ABCB7: variants seen among roughly 807,000 people sequenced by gnomAD.
ABCB7 encodes iron-sulfur clusters transporter ABCB7, mitochondrial.
Under a neutral mutation model 54.4 loss-of-function variants are expected in ABCB7, and 7 were observed. That is an observed-to-expected ratio of 0.13 (90% confidence interval 0.07 to 0.24). The LOEUF (loss-of-function observed/expected upper bound fraction) is 0.24. Among genes scored for constraint, ABCB7 ranks in the 10% least tolerant of loss-of-function variants. The probability of loss-of-function intolerance (pLI) is 1.00; values close to 1 mark genes in which losing one functional copy is unlikely to be tolerated. For synonymous variants in ABCB7, 218 were observed against 207.1 expected (o/e 1.05, Z -0.45); for missense variants, 356 against 570.4 (o/e 0.62, Z 3.83).
At chrX:75,094,629 C>T (rs1449614204) in intron 4 of ABCB7, among the ~76,000 whole-genome samples, 2 of 111,163 alleles carry the variant, frequency 1.8e-5, no homozygotes, top group Non-Finnish European at 3.8e-5. Context: ...AGGAGAATTG[C>T]TTGAACCCGG....
chrX:75,113,018 T>G, intron 2 of ABCB7, 46 bp from the exon 3 acceptor site: 8 of 1,071,682 alleles, frequency 7.5e-6, no homozygotes, highest in Non-Finnish European at 1.0e-5. Flanking sequence ...TTACAGAATT[T>G]CAGATGTTTC....
intron 1 of ABCB7, among the ~76,000 whole-genome samples, chrX:75,123,546 TTGCTGTGAAAAA>T (rs1159035525): frequency 8.9e-6 from 1 of 112,082 alleles, no homozygotes; most frequent in East Asian, 2.8e-4. Flanking sequence ...CTTTTTTCTA[TTGCTGTGAAAAA>T]TGCTGTTGAA....
chrX:75,091,887 T>C (rs1298166456), intron 4 of ABCB7, among the ~76,000 whole-genome samples: 2 of 111,400 alleles, frequency 1.8e-5, no homozygotes, highest in East Asian at 5.6e-4. Context: ...AAAAAGCATA[T>C]GAGGAAAACT....
intron 4 of ABCB7, among the ~76,000 whole-genome samples, chrX:75,085,907 C>T (rs1169589416): frequency 9.1e-6 from 1 of 109,503 alleles, no homozygotes; most frequent in African/African-American, 3.3e-5. Context: ...AGTGCAGTGG[C>T]ATGATCTCGG....
At chrX:75,135,767 C>G (rs928697419) in intron 1 of ABCB7, among the ~76,000 whole-genome samples, 4 of 111,522 alleles carry the variant, frequency 3.6e-5, no homozygotes, top group Non-Finnish European at 7.5e-5. Flanking sequence ...AGAATTTTGA[C>G]AGAGTTCAAC....
chrX:75,070,946 AAAC>A (rs200157743), intron 9 of ABCB7, among the ~76,000 whole-genome samples: 8 of 109,904 alleles, frequency 7.3e-5, no homozygotes, highest in African/African-American at 1.3e-4. Context: ...AAACAAAATG[AAAC>A]AACAACAACA....
intron 13 of ABCB7, among the ~76,000 whole-genome samples, chrX:75,063,189 AT>A (rs1302570992): frequency 9.0e-6 from 1 of 111,275 alleles, no homozygotes; most frequent in Non-Finnish European, 1.9e-5. Flanking sequence ...TTTAGAAAGT[AT>A]TTCTTAAATA....
intron 12 of ABCB7, among the ~76,000 whole-genome samples, chrX:75,067,455 C>G (rs1336732037): frequency 9.0e-6 from 1 of 111,341 alleles, no homozygotes; most frequent in Non-Finnish European, 1.9e-5. Context: ...ACTTGACACA[C>G]AGTTTAGATT....
At chrX:75,114,900 T>G in intron 1 of ABCB7, 69 bp from the exon 2 acceptor site, 1 of 889,529 alleles carries the variant, frequency 1.1e-6, no homozygotes, top group South Asian at 2.1e-5. Context: ...ATTATTTCCT[T>G]TGTTCATAAA....
At chrX:75,147,480 T>C (rs1183273565) in intron 1 of ABCB7, among the ~76,000 whole-genome samples, 1 of 111,768 alleles carries the variant, frequency 8.9e-6, no homozygotes, top group African/African-American at 3.3e-5. Context: ...CATGGAATAC[T>C]ATGCAGCCAT....
At chrX:75,088,456 A>G (rs1224045870) in intron 4 of ABCB7, among the ~76,000 whole-genome samples, 1 of 112,005 alleles carries the variant, frequency 8.9e-6, no homozygotes, top group Non-Finnish European at 1.9e-5. Context: ...ACAGAGAGGA[A>G]TCTCTAAGAA....
rs189716876 is a variant in ABCB7 at position 75,091,920 on chromosome X, C to A, written c.453+7022G>T. Among the ~76,000 whole-genome samples the A allele has an allele frequency of 1.8e-3, 199 of 111,199 alleles. 3 individuals are homozygous for A. Among genetic ancestry groups the A allele is most frequent in the Non-Finnish European group, 9.5e-4 (50 of 52,654 alleles). ...ACTACAAAACTCATATGAAAGAAAT[C>A]AAAGAAGCTAAATAAATGGAGAGAT... is the stretch of plus-strand genomic sequence containing the variant. On this transcript the variant is annotated intron_variant, in intron 4 of 15. Coordinates refer to ENST00000373394, the MANE Select transcript of ABCB7 (RefSeq NM_001271696.3).
At chrX:75,076,897 C>T (rs1173918755) in intron 4 of ABCB7, among the ~76,000 whole-genome samples, 1 of 111,315 alleles carries the variant, frequency 9.0e-6, no homozygotes, top group African/African-American at 3.3e-5. Flanking sequence ...TAGTCAAATG[C>T]TTCTGCTTCC....
intron 13 of ABCB7, 160 bp from the exon 14 acceptor site, chrX:75,062,591 A>T: frequency 6.4e-6 from 3 of 467,161 alleles, no homozygotes; most frequent in Non-Finnish European, 1.1e-5. Context: ...GTTCATATAC[A>T]ATATCTTTTG....
intron 1 of ABCB7, among the ~76,000 whole-genome samples, chrX:75,153,421 TAGG>T (rs780775518): frequency 4.3e-4 from 48 of 111,002 alleles, no homozygotes; most frequent in South Asian, 2.3e-3. Flanking sequence ...AAATATAGAA[TAGG>T]AGGATTATTT....
At chrX:75,122,861 G>GGTGTGTGTGTGTGTGTGTGTGTGTGTGT in intron 1 of ABCB7, among the ~76,000 whole-genome samples, 1 of 93,152 alleles carries the variant, frequency 1.1e-5, no homozygotes, top group East Asian at 4.2e-4. Flanking sequence ...TTAAAATTGG[G>GGTGTGTGTGTGTGTGTGTGTGTGTGTGT]GTGTGTGTGT....
intron 4 of ABCB7, chrX:75,097,309 T>C (rs905695432): frequency 1.8e-5 from 2 of 111,748 alleles, no homozygotes; most frequent in Non-Finnish European, 3.8e-5. Flanking sequence ...CCTACACCTG[T>C]AATAATCCTA....
chrX:75,122,997 T>C (rs1310603385), intron 1 of ABCB7, among the ~76,000 whole-genome samples: 2 of 110,917 alleles, frequency 1.8e-5, no homozygotes, highest in Non-Finnish European at 3.8e-5. Context: ...ATAGTTTTGA[T>C]GACTGTTTCC....
intron 1 of ABCB7, among the ~76,000 whole-genome samples, chrX:75,128,258 C>A (rs894041923): frequency 9.0e-6 from 1 of 111,138 alleles, no homozygotes; most frequent in Admixed American, 9.6e-5. Context: ...GATATATAGA[C>A]CAATGGAACA....
Sources: gnomAD v4.1 joint callset for allele counts (sites outside exome capture counted in the v4.1 genomes callset) on GRCh38, gnomAD v4.1.1 for gene constraint, MANE v1.5 for transcripts, NCBI Gene and HGNC (gene_info 2026-07-23, HGNC 2026-07-21) for gene names.